The following WBP2NL variants were observed in gnomAD, a reference collection of about 807,000 sequenced individuals.
WBP2NL encodes postacrosomal sheath WW domain-binding protein.
A neutral mutation model predicts 23.3 loss-of-function variants in WBP2NL; 27 were observed. That is an observed-to-expected ratio of 1.16 (90% CI 0.85 to 1.60). WBP2NL has a LOEUF of 1.60. WBP2NL is among the 40% of genes most tolerant of loss of function. The pLI is 0.00. For missense variants in WBP2NL, 370 were observed against 389.5 expected, an observed-to-expected ratio of 0.95 and a Z score of 0.42; for synonymous variants, 151 against 145.9, an observed-to-expected ratio of 1.03 and a Z score of -0.25.
chr22:42,032,913 A>AC (rs1316651664), downstream of WBP2NL: 2 of 208,584 alleles, frequency 9.6e-6, no homozygotes, highest in African/African-American at 4.7e-5. Flanking sequence ...AAATAATAAA[A>AC]CAGGGTATTA....
intron 8 of WBP2NL, among the ~76,000 whole-genome samples, chr22:42,041,914 T>C (rs1925413139): frequency 6.6e-6 from 1 of 152,220 alleles, no homozygotes; most frequent in East Asian, 1.9e-4. Context: ...GGAAAGACTA[T>C]CTCTCTTTCA....
At chr22:42,001,146 C>G in intron 1 of WBP2NL, 1 of 958,518 alleles carries the variant, frequency 1.0e-6, no homozygotes, top group East Asian at 2.4e-5. Flanking sequence ...CTGGACCATG[C>G]ACCCTTGAAA....
chr22:42,052,078 A>G (rs1288797464), intron 8 of WBP2NL, among the ~76,000 whole-genome samples: 4 of 152,108 alleles, frequency 2.6e-5, no homozygotes, highest in African/African-American at 9.7e-5. Context: ...CAGTCTTTTT[A>G]GTAAGGAAAA....
At chr22:42,032,653 A>T, downstream of WBP2NL, 1 of 404,884 alleles carries the variant, frequency 2.5e-6, no homozygotes, top group Non-Finnish European at 5.0e-6. Context: ...TCAGGTAGGA[A>T]GTGAAACGTA....
Position 42,004,439 on chromosome 22 carries a change from C to CA in WBP2NL, c.62+5565dup, listed in dbSNP as rs1188039567. ...TAAAACCCTATCTCTACTAAAAATA[C>CA]AAAAAATAGTTGGATGTGGTGGCAT... On this transcript the variant is annotated intron_variant, in intron 1 of 5. Transcript: ENST00000328823. 2.6e-5 allele frequency among the ~76,000 whole-genome samples: 4 copies of CA among 151,960 alleles called. No individual in the cohort carries two copies. In the East Asian group the frequency reaches 7.8e-4, roughly 29 times the overall value.
intron 1 of WBP2NL, chr22:42,002,709 T>C: frequency 6.6e-6 from 1 of 152,278 alleles, no homozygotes; most frequent in Non-Finnish European, 1.5e-5. Context: ...TGGGAGAGCT[T>C]GGATTTGGAT....
intron 8 of WBP2NL, among the ~76,000 whole-genome samples, chr22:42,043,908 G>T (rs1202842760): frequency 6.6e-6 from 1 of 152,056 alleles, no homozygotes; most frequent in Non-Finnish European, 1.5e-5. Flanking sequence ...TTGTATTTTT[G>T]TATAGACAGG....
At chr22:42,001,095 A>T in intron 1 of WBP2NL, 1 of 1,042,352 alleles carries the variant, frequency 9.6e-7, no homozygotes, top group Non-Finnish European at 1.5e-6. Flanking sequence ...GTTTCATCAT[A>T]CAAGACAAGC....
rs148873412 is a variant in WBP2NL at position 42,018,730 on chromosome 22, A to T, written c.63-581A>T. ...TTACCGCACAAGAAGTATAAGAATTAATGAACACACATTGAGAATAGGAGT... is the reference window on the plus strand; with the variant it reads ...TTACCGCACAAGAAGTATAAGAATTTATGAACACACATTGAGAATAGGAGT... On this transcript the variant is annotated intron_variant, in intron 1 of 5. Transcript: ENST00000328823. Among the ~76,000 whole-genome samples the T allele has an allele frequency of 2.6e-5, 4 of 152,286 alleles. No individual in the cohort carries two copies. The East Asian group carries it at 7.7e-4, about 29-fold the overall frequency.
At chr22:42,029,076 C>A (rs2146805272), downstream of WBP2NL, among the ~76,000 whole-genome samples, 1 of 152,300 alleles carries the variant, frequency 6.6e-6, no homozygotes, top group African/African-American at 2.4e-5. Context: ...CCCACTCTGG[C>A]AAGGCAGGCA....
At chr22:42,031,440 C>A (rs771109746), downstream of WBP2NL, 1 of 152,224 alleles carries the variant, frequency 6.6e-6, no homozygotes, top group Non-Finnish European at 1.5e-5. Flanking sequence ...TCCGCTCTTC[C>A]TGTCTCTTCC....
At chr22:42,030,724 T>A (rs2054216353), downstream of WBP2NL, 1 of 152,164 alleles carries the variant, frequency 6.6e-6, no homozygotes, top group African/African-American at 2.4e-5. Context: ...CTACAGTACG[T>A]GGGCAACAGT....
At chr22:41,998,937 ATGGCGGCTCGC>A in intron 1 of WBP2NL, 57 bp downstream of exon 1, 1 of 1,540,228 alleles carries the variant, frequency 6.5e-7, no homozygotes, top group East Asian at 2.3e-5. Context: ...TGAGATAGAC[ATGGCGGCTCGC>A]AAACTCTCAG....
At chr22:42,033,862 G>A (rs1925082671), downstream of WBP2NL, among the ~76,000 whole-genome samples, 2 of 152,308 alleles carry the variant, frequency 1.3e-5, no homozygotes, top group South Asian at 4.1e-4. Context: ...GTCCATATGT[G>A]GCCATGGGCA....
intron 1 of WBP2NL, among the ~76,000 whole-genome samples, chr22:42,009,303 A>G (rs948715032): frequency 2.6e-5 from 4 of 152,190 alleles, no homozygotes; most frequent in African/African-American, 4.8e-5. Flanking sequence ...TTGATACACA[A>G]TTTTTAAGTT....
At chr22:42,044,742 C>A (rs1925519558) in intron 8 of WBP2NL, among the ~76,000 whole-genome samples, 1 of 152,120 alleles carries the variant, frequency 6.6e-6, no homozygotes, top group African/African-American at 2.4e-5. Flanking sequence ...GAAGTCAAGG[C>A]TGCAGTGGGC....
Position 42,019,425 on chromosome 22 carries a change from T to G in WBP2NL, c.171+6T>G, listed in dbSNP as rs1477753839. 1.9e-6 allele frequency: 3 copies of G among 1,608,670 alleles called. No individual in the cohort carries two copies. On this transcript the variant is annotated splice_donor_region_variant and intron_variant, in intron 2 of 5. Transcript: ENST00000328823. ...TGTTTCTCACTTCATACCGGGTAAT[T>G]TCTACTTCTACTTTAATCTGCTGAT...
intron 1 of WBP2NL, among the ~76,000 whole-genome samples, chr22:42,019,019 G>T (rs541793495): frequency 1.3e-4 from 20 of 151,498 alleles, no homozygotes; most frequent in African/African-American, 4.8e-4. Flanking sequence ...TCAGGAGATC[G>T]AGACCATCCT....
intron 8 of WBP2NL, among the ~76,000 whole-genome samples, chr22:42,048,260 A>G (rs752574240): frequency 6.6e-6 from 1 of 151,370 alleles, no homozygotes; most frequent in African/African-American, 2.4e-5. Context: ...TGTCTATTAA[A>G]AGTACAAAAA....
Sources: gnomAD v4.1 joint callset for allele counts (sites outside exome capture counted in the v4.1 genomes callset) on GRCh38, gnomAD v4.1.1 for gene constraint, MANE v1.5 for transcripts, NCBI Gene and HGNC (gene_info 2026-07-23, HGNC 2026-07-21) for gene names.